DLGAP1: variants seen among roughly 807,000 people sequenced by gnomAD.
DLGAP1 encodes the protein disks large-associated protein 1.
Under a neutral mutation model 90.8 loss-of-function variants are expected in DLGAP1, and 11 were observed. That is an observed-to-expected ratio of 0.12 (90% CI 0.08 to 0.20). DLGAP1 has a LOEUF of 0.20. DLGAP1 is among the 10% of genes least tolerant of loss of function. DLGAP1 has a pLI of 1.00. For missense variants in DLGAP1, 1,050 were observed against 1,333.8 expected (o/e 0.79, Z 3.31); for synonymous variants, 558 against 540.7 (o/e 1.03, Z -0.44).
chr18:3,976,376 G>T (rs2073580331), intron 3 of DLGAP1, among the ~76,000 whole-genome samples: 1 of 151,176 alleles, frequency 6.6e-6, no homozygotes. Flanking sequence ...GTGGTTAAAA[G>T]GGTGAATTTT....
intron 3 of DLGAP1, among the ~76,000 whole-genome samples, chr18:3,952,430 CT>C (rs2073006639): frequency 6.6e-6 from 1 of 152,164 alleles, no homozygotes; most frequent in Admixed American, 6.5e-5. Flanking sequence ...ACCACTCCCC[CT>C]AGTGATTTGC....
intron 4 of DLGAP1, among the ~76,000 whole-genome samples, chr18:3,838,920 G>T (rs1486305333): frequency 6.6e-6 from 1 of 151,686 alleles, no homozygotes; most frequent in African/African-American, 2.4e-5. Flanking sequence ...AGCCTGCTTT[G>T]GTTAAAAAAA....
intron 3 of DLGAP1, among the ~76,000 whole-genome samples, chr18:3,911,504 G>T (rs2072033824): frequency 6.6e-6 from 1 of 152,156 alleles, no homozygotes; most frequent in Non-Finnish European, 1.5e-5. Flanking sequence ...AGATGGATTA[G>T]AACATTTGGA....
intron 7 of DLGAP1, among the ~76,000 whole-genome samples, chr18:3,661,801 C>CACA: frequency 6.6e-6 from 1 of 151,724 alleles, no homozygotes; most frequent in Non-Finnish European, 1.5e-5. Context: ...AGGCTGGTCT[C>CACA]GAACTCCTGA....
chr18:3,617,702 C>T (rs1049330769), intron 7 of DLGAP1, among the ~76,000 whole-genome samples: 5 of 151,860 alleles, frequency 3.3e-5, no homozygotes, highest in Non-Finnish European at 7.4e-5. Context: ...TGCCACAAAC[C>T]CTTGATTTGT....
At chr18:3,799,497 G>A (rs1018681321) in intron 5 of DLGAP1, among the ~76,000 whole-genome samples, 7 of 100,142 alleles carry the variant, frequency 7.0e-5, no homozygotes, top group Non-Finnish European at 1.2e-4. Context: ...AAAACGTAGT[G>A]CCTTTTTTTT....
At chr18:4,379,956 T>C (rs974664405) in intron 1 of DLGAP1, among the ~76,000 whole-genome samples, 1 of 152,178 alleles carries the variant, frequency 6.6e-6, no homozygotes, top group Non-Finnish European at 1.5e-5. Flanking sequence ...ACTTAGATAT[T>C]TAAAGCACAT....
At chr18:3,990,481 T>G (rs2073940433) in intron 3 of DLGAP1, among the ~76,000 whole-genome samples, 6 of 110,596 alleles carry the variant, frequency 5.4e-5, no homozygotes, top group East Asian at 6.1e-4. Flanking sequence ...CTGGGGACTG[T>G]TGTGGGGTGG....
chr18:4,119,162 G>A (rs1328636900), intron 2 of DLGAP1, among the ~76,000 whole-genome samples: 1 of 152,102 alleles, frequency 6.6e-6, no homozygotes, highest in African/African-American at 2.4e-5. Flanking sequence ...CATGATCACA[G>A]TACACTATAG....
intron 2 of DLGAP1, among the ~76,000 whole-genome samples, chr18:4,147,870 C>T (rs1220050314): frequency 6.6e-6 from 1 of 152,136 alleles, no homozygotes; most frequent in Non-Finnish European, 1.5e-5. Context: ...TAGTGCCAGC[C>T]TGGATCATTT....
At chr18:4,119,319 C>T (rs1297312331) in intron 2 of DLGAP1, among the ~76,000 whole-genome samples, 4 of 152,184 alleles carry the variant, frequency 2.6e-5, no homozygotes, top group African/African-American at 9.6e-5. Context: ...TTCTTGAACT[C>T]CTGGGCTCAG....
At chr18:3,924,361 C>A (rs1382619038) in intron 3 of DLGAP1, among the ~76,000 whole-genome samples, 4 of 152,140 alleles carry the variant, frequency 2.6e-5, no homozygotes, top group Admixed American at 6.5e-5. Context: ...GGTGTGGTGC[C>A]CTAGGTCCAC....
At chr18:4,088,539 T>TA (rs1472552269) in intron 2 of DLGAP1, among the ~76,000 whole-genome samples, 1 of 152,196 alleles carries the variant, frequency 6.6e-6, no homozygotes, top group African/African-American at 2.4e-5. Flanking sequence ...TGTTTCTGCC[T>TA]AATGAGTGCC....
Position 4,060,992 on chromosome 18 carries a change from C to T in DLGAP1, c.-158-55791G>A, listed in dbSNP as rs1363520913. 2.0e-5 allele frequency among the ~76,000 whole-genome samples: 3 copies of T among 152,138 alleles called. No homozygotes were observed. In the East Asian group the frequency reaches 5.8e-4, roughly 29 times the overall value. On this transcript the variant is annotated intron_variant, in intron 2 of 12. Transcript: ENST00000315677. ...TACGACTCTTAACTGTACAACTTGC[C>T]TTCTTTAAACCTCGGTAAGGCCTGG...
At chr18:3,902,060 C>G (rs2071796074) in intron 3 of DLGAP1, among the ~76,000 whole-genome samples, 1 of 152,220 alleles carries the variant, frequency 6.6e-6, no homozygotes, top group Non-Finnish European at 1.5e-5. Context: ...GAGCACAGAA[C>G]CTCAATACCA....
intron 7 of DLGAP1, among the ~76,000 whole-genome samples, chr18:3,600,917 TATA>T: frequency 9.1e-6 from 1 of 109,444 alleles, no homozygotes; most frequent in African/African-American, 3.2e-5. Context: ...TATAGATAGA[TATA>T]GATATATATA....
chr18:4,000,105 G>C (rs766927088), intron 3 of DLGAP1, among the ~76,000 whole-genome samples: 1 of 152,166 alleles, frequency 6.6e-6, no homozygotes, highest in Non-Finnish European at 1.5e-5. Flanking sequence ...GTGAACCACT[G>C]CACCCAGCCT....
intron 2 of DLGAP1, among the ~76,000 whole-genome samples, chr18:4,090,803 G>A (rs1354524428): frequency 6.6e-6 from 1 of 152,138 alleles, no homozygotes; most frequent in East Asian, 1.9e-4. Flanking sequence ...GTATGTTCAT[G>A]GCAGCGCTAT....
At chr18:4,225,421 G>C (rs1014617007) in intron 1 of DLGAP1, among the ~76,000 whole-genome samples, 1 of 151,908 alleles carries the variant, frequency 6.6e-6, no homozygotes, top group African/African-American at 2.4e-5. Flanking sequence ...GCATCAAGAC[G>C]ATCCAGGAAA....
Sources: gnomAD v4.1 joint callset for allele counts (sites outside exome capture counted in the v4.1 genomes callset) on GRCh38, gnomAD v4.1.1 for gene constraint, MANE v1.5 for transcripts, NCBI Gene and HGNC (gene_info 2026-07-23, HGNC 2026-07-21) for gene names.